KDM4C: variants seen among roughly 807,000 people sequenced by gnomAD.
KDM4C encodes lysine demethylase 4C, also known as lysine-specific demethylase 4C.
Under a neutral mutation model 129.3 loss-of-function variants are expected in KDM4C, and 81 were observed. The ratio of observed to expected loss-of-function variants is 0.63; its 90% confidence interval spans 0.52 to 0.75. The LOEUF (loss-of-function observed/expected upper bound fraction) is 0.75. Ranked by LOEUF, KDM4C falls within the 30% of genes least tolerant of loss-of-function variation. The probability of loss-of-function intolerance (pLI) is 0.00; values close to 1 mark genes in which losing one functional copy is unlikely to be tolerated. For synonymous variants in KDM4C, 573 were observed against 456.1 expected, an observed-to-expected ratio of 1.26 and a Z score of -3.26; for missense variants, 1,457 against 1,304.0, an observed-to-expected ratio of 1.12 and a Z score of -1.81.
chr9:6,944,651 G>A (rs978790884), intron 8 of KDM4C, among the ~76,000 whole-genome samples: 1 of 47,480 alleles, frequency 2.1e-5, no homozygotes, highest in East Asian at 1.7e-3. Flanking sequence ...TCAAGGTAGA[G>A]GTTTTTTTTT....
chr9:6,969,396 A>G lies in KDM4C; in HGVS notation c.922-11529A>G, dbSNP rs139458454. ...ACAGCAATCTAAAAATCAAGCCTCCACATTAAGAACATAGGGTTTTTTTTA... is the reference window on the plus strand; with the variant it reads ...ACAGCAATCTAAAAATCAAGCCTCCGCATTAAGAACATAGGGTTTTTTTTA... On this transcript the variant is annotated intron_variant, in intron 8 of 21. Transcript: ENST00000381309. Among the ~76,000 whole-genome samples the G allele has an allele frequency of 3.0e-3, 460 of 152,324 alleles. 2 individuals carry two copies. Among genetic ancestry groups the G allele is most frequent in the African/African-American group, 0.01 (429 of 41,556 alleles).
At chr9:6,817,642 C>G (rs1832362778) in intron 4 of KDM4C, among the ~76,000 whole-genome samples, 1 of 151,642 alleles carries the variant, frequency 6.6e-6, no homozygotes, top group African/African-American at 2.4e-5. Context: ...TAAGTAATCT[C>G]TATGTTGAGA....
intron 8 of KDM4C, among the ~76,000 whole-genome samples, chr9:6,972,199 T>A (rs1563912033): frequency 6.6e-6 from 1 of 152,000 alleles, no homozygotes; most frequent in Admixed American, 6.6e-5. Context: ...ACTCACTCCA[T>A]CTATTTAGGG....
intron 1 of KDM4C, among the ~76,000 whole-genome samples, chr9:6,752,013 T>G (rs1818076997): frequency 6.6e-6 from 1 of 152,056 alleles, no homozygotes; most frequent in Admixed American, 6.6e-5. Flanking sequence ...CTGGAGAGAT[T>G]AAGCAAGTCA....
chr9:6,854,541 A>G (rs998918431), intron 5 of KDM4C, among the ~76,000 whole-genome samples: 2 of 145,710 alleles, frequency 1.4e-5, no homozygotes, highest in African/African-American at 5.4e-5. Flanking sequence ...AAAAAAAAAA[A>G]AAAACAAAAA....
chr9:6,927,545 T>A (rs188009216), intron 8 of KDM4C, among the ~76,000 whole-genome samples: 17 of 152,336 alleles, frequency 1.1e-4, no homozygotes, highest in Admixed American at 4.6e-4. Context: ...TTAATTAGAA[T>A]ATGAGATGTG....
chr9:6,760,303 G>T (rs1452974458), intron 1 of KDM4C, among the ~76,000 whole-genome samples: 3 of 151,888 alleles, frequency 2.0e-5, no homozygotes, highest in Admixed American at 6.6e-5. Flanking sequence ...CCTTTTAATG[G>T]CTAATATTCT....
At chr9:6,937,333 G>A (rs1314643088) in intron 8 of KDM4C, among the ~76,000 whole-genome samples, 1 of 152,056 alleles carries the variant, frequency 6.6e-6, no homozygotes, top group Non-Finnish European at 1.5e-5. Context: ...AGTGGTGAAA[G>A]GTAAATAGTT....
At chr9:7,048,677 G>A (rs1276005192) in intron 16 of KDM4C, among the ~76,000 whole-genome samples, 1 of 151,974 alleles carries the variant, frequency 6.6e-6, no homozygotes, top group Admixed American at 6.6e-5. Flanking sequence ...TATTTTAAAA[G>A]GTTGTGTGCT....
chr9:6,773,943 A>G (rs1424552459), intron 1 of KDM4C, among the ~76,000 whole-genome samples: 1 of 151,860 alleles, frequency 6.6e-6, no homozygotes, highest in East Asian at 1.9e-4. Flanking sequence ...TTGTTTATTT[A>G]TTTTTGAGAT....
At chr9:6,743,151 A>T (rs1817757166) in intron 1 of KDM4C, among the ~76,000 whole-genome samples, 1 of 152,230 alleles carries the variant, frequency 6.6e-6, no homozygotes, top group Non-Finnish European at 1.5e-5. Context: ...ATAAGGGATG[A>T]AACAGACTAA....
At chr9:6,825,417 G>A (rs1000353927) in intron 4 of KDM4C, among the ~76,000 whole-genome samples, 4 of 152,298 alleles carry the variant, frequency 2.6e-5, no homozygotes, top group African/African-American at 9.6e-5. Context: ...CTTATCTATT[G>A]CACATAGATG....
intron 4 of KDM4C, among the ~76,000 whole-genome samples, chr9:6,832,208 T>A (rs911974555): frequency 6.6e-6 from 1 of 150,486 alleles, no homozygotes; most frequent in South Asian, 2.1e-4. Context: ...GGCGTGGTGG[T>A]GGGAGCCTGT....
Position 7,126,648 on chromosome 9 carries a change from T to C in KDM4C, c.2611-1418T>C, listed in dbSNP as rs115065586. ...TGCACATATATGTGCACATGTTAAA[T>C]GCATGTATTTCATTGTTCCATCTAC... On this transcript the variant is annotated intron_variant, in intron 18 of 21. Coordinates refer to ENST00000381309, the MANE Select transcript of KDM4C (RefSeq NM_015061.6). Among the ~76,000 whole-genome samples, 1,096 of 152,292 alleles carry C rather than the reference T, an allele frequency of 7.2e-3. 16 individuals are homozygous for C. Among genetic ancestry groups the C allele is most frequent in the African/African-American group, 0.025 (1,051 of 41,548 alleles).
chr9:6,755,484 G>C (rs989271464), upstream of KDM4C, among the ~76,000 whole-genome samples: 1 of 152,116 alleles, frequency 6.6e-6, no homozygotes, highest in Non-Finnish European at 1.5e-5. Flanking sequence ...GGAGGTCAAG[G>C]CTGCAGTGAG....
At chr9:6,891,131 G>C (rs1385816044) in intron 7 of KDM4C, among the ~76,000 whole-genome samples, 1 of 152,190 alleles carries the variant, frequency 6.6e-6, no homozygotes, top group Non-Finnish European at 1.5e-5. Context: ...ACTGAGGTGG[G>C]AGTAGGGGAT....
chr9:7,002,768 T>C (rs1820962483), intron 12 of KDM4C, among the ~76,000 whole-genome samples: 1 of 152,222 alleles, frequency 6.6e-6, no homozygotes, highest in African/African-American at 2.4e-5. Context: ...CAATCGAAGC[T>C]CATAGACATG....
chr9:6,972,530 T>C (rs1426959215), intron 8 of KDM4C, among the ~76,000 whole-genome samples: 3 of 152,200 alleles, frequency 2.0e-5, no homozygotes, highest in Admixed American at 6.5e-5. Flanking sequence ...CTTAGGAAAA[T>C]GCCACCAGTT....
intron 17 of KDM4C, among the ~76,000 whole-genome samples, chr9:7,068,050 C>T (rs772081294): frequency 3.3e-5 from 5 of 152,218 alleles, no homozygotes; most frequent in Non-Finnish European, 5.9e-5. Flanking sequence ...CCCGCCTCGG[C>T]CTCCCAAAGT....
Sources: allele counts gnomAD v4.1 joint callset (sites outside exome capture counted in the v4.1 genomes callset), GRCh38; gene constraint gnomAD v4.1.1; transcripts MANE v1.5; gene names NCBI Gene and HGNC (gene_info 2026-07-23, HGNC 2026-07-21).